The following CAMKMT variants were observed in gnomAD, a reference collection of about 807,000 sequenced individuals.
CAMKMT encodes calmodulin-lysine N-methyltransferase.
CAMKMT carries 53 observed loss-of-function variants against 48.0 expected under a neutral mutation model. That is an observed-to-expected ratio of 1.10 (90% CI 0.89 to 1.39). The LOEUF (loss-of-function observed/expected upper bound fraction) is 1.39, where lower values mean the gene tolerates loss of function less well. CAMKMT is among the 40% of genes most tolerant of loss of function. The probability of loss-of-function intolerance (pLI) is 0.00; values close to 1 mark genes in which losing one functional copy is unlikely to be tolerated. For synonymous variants in CAMKMT, 165 were observed against 152.3 expected (o/e 1.08, Z -0.61); for missense variants, 428 against 402.7 (o/e 1.06, Z -0.54).
chr2:44,584,836 C>T (rs998999737), intron 3 of CAMKMT, among the ~76,000 whole-genome samples: 3 of 152,114 alleles, frequency 2.0e-5, no homozygotes, highest in South Asian at 2.1e-4. Context: ...GGGTGGATCA[C>T]GAGGTCAGGA....
At chr2:44,695,294 A>G (rs1307680247) in intron 3 of CAMKMT, among the ~76,000 whole-genome samples, 1 of 152,158 alleles carries the variant, frequency 6.6e-6, no homozygotes, top group African/African-American at 2.4e-5. Context: ...GTACTATAAT[A>G]TTATTAAGGG....
At chr2:44,376,562 C>T (rs986564733) in intron 2 of CAMKMT, among the ~76,000 whole-genome samples, 3 of 152,172 alleles carry the variant, frequency 2.0e-5, no homozygotes, top group African/African-American at 7.2e-5. Flanking sequence ...ACAGGGTGAT[C>T]AGCACTTGTT....
intron 3 of CAMKMT, among the ~76,000 whole-genome samples, chr2:44,652,123 A>T (rs1674103754): frequency 6.6e-6 from 1 of 152,220 alleles, no homozygotes; most frequent in Non-Finnish European, 1.5e-5. Context: ...TATGTTTATA[A>T]ATAAAATAAC....
At chr2:44,470,432 C>T (rs533293949) in intron 3 of CAMKMT, among the ~76,000 whole-genome samples, 1 of 152,182 alleles carries the variant, frequency 6.6e-6, no homozygotes, top group African/African-American at 2.4e-5. Context: ...TTTTCAGTTG[C>T]TGTTCTCAAA....
chr2:44,367,746 T>G (rs2104341907), intron 1 of CAMKMT, among the ~76,000 whole-genome samples: 1 of 152,352 alleles, frequency 6.6e-6, no homozygotes, highest in East Asian at 1.9e-4. Context: ...TACTTTAAGC[T>G]GTACTCGATG....
At chr2:44,384,676 A>G (rs1312346951) in intron 2 of CAMKMT, among the ~76,000 whole-genome samples, 3 of 151,990 alleles carry the variant, frequency 2.0e-5, no homozygotes, top group African/African-American at 7.2e-5. Context: ...TGATATGAGT[A>G]TCCAGTTTCA....
intron 6 of CAMKMT, among the ~76,000 whole-genome samples, chr2:44,708,377 G>C (rs1036129890): frequency 2.2e-4 from 34 of 151,680 alleles, no homozygotes; most frequent in African/African-American, 8.2e-4. Flanking sequence ...TCTGCCATAT[G>C]ATTTTTTCAA....
intron 3 of CAMKMT, among the ~76,000 whole-genome samples, chr2:44,431,351 AT>A (rs1361509825): frequency 6.6e-6 from 1 of 152,172 alleles, no homozygotes; most frequent in Non-Finnish European, 1.5e-5. Context: ...TCCCAATTCA[AT>A]TTTAAGTACC....
At chr2:44,626,917 A>G (rs2103953311) in intron 3 of CAMKMT, among the ~76,000 whole-genome samples, 1 of 152,190 alleles carries the variant, frequency 6.6e-6, no homozygotes, top group Non-Finnish European at 1.5e-5. Context: ...AGCACTGAAT[A>G]GAAGTGTTTA....
intron 3 of CAMKMT, among the ~76,000 whole-genome samples, chr2:44,672,645 C>G (rs960599597): frequency 4.6e-5 from 7 of 152,150 alleles, no homozygotes; most frequent in Admixed American, 6.5e-5. Context: ...GTATAAAGAG[C>G]TTTGTGTCTG....
At chr2:44,417,609 T>C (rs1000035144) in intron 3 of CAMKMT, among the ~76,000 whole-genome samples, 2 of 152,182 alleles carry the variant, frequency 1.3e-5, no homozygotes, top group Non-Finnish European at 2.9e-5. Flanking sequence ...TAAGTGTACA[T>C]TTAACTTTGT....
intron 3 of CAMKMT, among the ~76,000 whole-genome samples, chr2:44,498,452 A>G (rs990595719): frequency 6.6e-6 from 1 of 152,216 alleles, no homozygotes; most frequent in African/African-American, 2.4e-5. Flanking sequence ...ACACACATAT[A>G]CATTCTCTAC....
intron 7 of CAMKMT, among the ~76,000 whole-genome samples, chr2:44,740,058 T>G (rs1343826776): frequency 6.6e-6 from 1 of 151,488 alleles, no homozygotes; most frequent in Admixed American, 6.6e-5. Context: ...AATGTGTAGA[T>G]GCAGATGCTA....
chr2:44,734,120 A>C (rs552504961), intron 7 of CAMKMT, among the ~76,000 whole-genome samples: 4 of 148,352 alleles, frequency 2.7e-5, no homozygotes, highest in Non-Finnish European at 4.5e-5. Context: ...AGTTTAACTT[A>C]CTCTTCTTTT....
At chr2:44,526,684 G>C (rs553561708) in intron 3 of CAMKMT, among the ~76,000 whole-genome samples, 16 of 152,220 alleles carry the variant, frequency 1.1e-4, no homozygotes, top group African/African-American at 3.9e-4. Flanking sequence ...CAACTGATTG[G>C]ATGATGCCCA....
intron 9 of CAMKMT, among the ~76,000 whole-genome samples, chr2:44,759,402 G>A (rs1270689157): frequency 6.6e-6 from 1 of 152,166 alleles, no homozygotes; most frequent in Admixed American, 6.5e-5. Flanking sequence ...TGACAGGCAT[G>A]AGCCACTATG....
intron 3 of CAMKMT, among the ~76,000 whole-genome samples, chr2:44,499,228 C>T (rs1669896634): frequency 1.3e-5 from 2 of 152,184 alleles, no homozygotes; most frequent in Admixed American, 1.3e-4. Flanking sequence ...CAAGGACTGT[C>T]TTCAGAAGCG....
chr2:44,394,368 A>G (rs1299056283), intron 3 of CAMKMT, among the ~76,000 whole-genome samples: 1 of 151,746 alleles, frequency 6.6e-6, no homozygotes, highest in Non-Finnish European at 1.5e-5. Context: ...CCTCTGCCAT[A>G]TATACTTGTA....
At chr2:44,665,802 G>T (rs1016586377) in intron 3 of CAMKMT, among the ~76,000 whole-genome samples, 1 of 152,160 alleles carries the variant, frequency 6.6e-6, no homozygotes, top group East Asian at 1.9e-4. Context: ...GCTGCAATTC[G>T]ATTTGGGGTC....
Sources: allele counts gnomAD v4.1 joint callset (sites outside exome capture counted in the v4.1 genomes callset), GRCh38; gene constraint gnomAD v4.1.1; transcripts MANE v1.5; gene names NCBI Gene and HGNC (gene_info 2026-07-23, HGNC 2026-07-21).